RELN: variants seen among roughly 807,000 people sequenced by gnomAD.
RELN encodes the protein reelin.
In RELN, 108 loss-of-function variants were observed where a neutral mutation model predicts 427.6. The ratio of observed to expected loss-of-function variants is 0.25; its 90% CI spans 0.22 to 0.30. The LOEUF is 0.30. Among genes scored for constraint, RELN ranks in the 10% least tolerant of loss-of-function variants. RELN has a pLI of 1.00. For missense variants in RELN, 3,715 were observed against 4,302.8 expected (o/e 0.86, Z 3.82); for synonymous variants, 1,524 against 1,513.4 (o/e 1.01, Z -0.16).
intron 2 of RELN, among the ~76,000 whole-genome samples, chr7:103,878,904 T>G (rs1794544664): frequency 6.6e-6 from 1 of 152,216 alleles, no homozygotes; most frequent in Admixed American, 6.5e-5. Context: ...AATCAGAGTT[T>G]GGTTCTACTC....
At chr7:103,873,614 G>C (rs1429389436) in intron 2 of RELN, among the ~76,000 whole-genome samples, 4 of 92,492 alleles carry the variant, frequency 4.3e-5, no homozygotes, top group Non-Finnish European at 7.0e-5. Flanking sequence ...AGAAGAAATG[G>C]ATAAATTCCT....
chr7:103,651,992 A>G (rs994984076), intron 14 of RELN, among the ~76,000 whole-genome samples: 3 of 152,108 alleles, frequency 2.0e-5, no homozygotes, highest in Admixed American at 6.6e-5. Flanking sequence ...AATTACTGCT[A>G]TAAACAAACT....
intron 8 of RELN, among the ~76,000 whole-genome samples, chr7:103,713,754 AAC>A (rs1789864198): frequency 6.6e-6 from 1 of 152,142 alleles, no homozygotes; most frequent in South Asian, 2.1e-4. Flanking sequence ...AAAATTAAGA[AAC>A]ACAGTAAAAT....
At chr7:103,517,239 A>G (rs2711843) in intron 49 of RELN, among the ~76,000 whole-genome samples, 72,388 of 151,304 alleles carry the variant, frequency 0.48, 21,635 homozygotes, top group African/African-American at 0.84. Flanking sequence ...TATTGGTTTG[A>G]CATGTTTACA....
intron 2 of RELN, among the ~76,000 whole-genome samples, chr7:103,837,213 C>G (rs1160259771): frequency 6.6e-6 from 1 of 152,156 alleles, no homozygotes; most frequent in East Asian, 1.9e-4. Flanking sequence ...GTCTCACTCC[C>G]ATGTTCCATC....
chr7:103,624,951 G>A (rs941775042), intron 20 of RELN, among the ~76,000 whole-genome samples: 16 of 152,114 alleles, frequency 1.1e-4, no homozygotes, highest in African/African-American at 3.9e-4. Context: ...AAGTACCCAA[G>A]AGGCCCTTCG....
At chr7:103,903,297 G>T (rs972942662) in intron 2 of RELN, among the ~76,000 whole-genome samples, 9 of 147,224 alleles carry the variant, frequency 6.1e-5, no homozygotes, top group African/African-American at 1.8e-4. Flanking sequence ...TCCTCAATTC[G>T]TATTTAAGAA....
At chr7:103,672,250 A>G (rs1207313528) in intron 11 of RELN, among the ~76,000 whole-genome samples, 3 of 152,130 alleles carry the variant, frequency 2.0e-5, no homozygotes, top group Non-Finnish European at 4.4e-5. Context: ...TCTTGGGAAC[A>G]AGGATAGGGA....
chr7:103,514,759 C>T (rs1829518377), intron 50 of RELN, among the ~76,000 whole-genome samples: 1 of 152,132 alleles, frequency 6.6e-6, no homozygotes, highest in South Asian at 2.1e-4. Flanking sequence ...GGGACATGAC[C>T]TAAGACATGA....
chr7:103,611,917 C>T (rs762676924), intron 20 of RELN, 114 bp from the exon 21 acceptor site: 14 of 845,354 alleles, frequency 1.7e-5, no homozygotes, highest in African/African-American at 3.4e-5. Flanking sequence ...TTGTTTAAAC[C>T]TTGCCAAATT....
intron 17 of RELN, among the ~76,000 whole-genome samples, chr7:103,637,989 G>A (rs191387670): frequency 1.1e-3 from 164 of 152,084 alleles, no homozygotes; most frequent in African/African-American, 3.7e-3. Flanking sequence ...CCATTTAGTC[G>A]TTTTAAAAGT....
rs1451240853 is a variant in RELN, at chr7:103,566,296, G to T, written c.4864C>A (p.Arg1622=). 1 of 1,613,942 alleles carries T rather than the reference G, an allele frequency of 6.2e-7. No homozygotes were observed. The highest frequency in any genetic ancestry group is 1.7e-5 in the Admixed American group (1 of 59,998). ...ATATCAACTTGACCTCCTTGGATTC[G>T]ATACCAGTTGGCTTGCAAATCTATA... ...GSIDLQANWY[R]IQGGQVDIDC... The change falls in exon 33 of 65, where the codon CGA becomes AGA. Residue 1622 remains arginine (R), a synonymous_variant. Transcript: ENST00000428762.
intron 2 of RELN, among the ~76,000 whole-genome samples, chr7:103,849,282 G>A (rs39395): frequency 0.53 from 80,107 of 151,962 alleles, 21,411 homozygotes; most frequent in African/African-American, 0.59. Context: ...CCGGTCAACC[G>A]ATCACCAGGT....
chr7:103,651,017 C>A (rs1179604025), intron 15 of RELN, among the ~76,000 whole-genome samples: 1 of 152,040 alleles, frequency 6.6e-6, no homozygotes, highest in East Asian at 1.9e-4. Flanking sequence ...TTATCTTATG[C>A]TAGGCATCTG....
At chr7:103,795,468 T>C (rs1792277384) in intron 3 of RELN, among the ~76,000 whole-genome samples, 1 of 152,144 alleles carries the variant, frequency 6.6e-6, no homozygotes, top group Admixed American at 6.6e-5. Flanking sequence ...AACATGAAAG[T>C]TCAAAGCCAA....
intron 40 of RELN, 119 bp from the exon 41 acceptor site, chr7:103,551,415 A>G: frequency 2.7e-6 from 2 of 739,310 alleles, no homozygotes; most frequent in Non-Finnish European, 4.8e-6. Context: ...TGAAATATTT[A>G]ATACTATAAA....
intron 52 of RELN, among the ~76,000 whole-genome samples, chr7:103,501,529 T>C (rs1472729798): frequency 6.6e-6 from 1 of 152,216 alleles, no homozygotes; most frequent in Non-Finnish European, 1.5e-5. Flanking sequence ...GCCTCATAAT[T>C]ATCCTTATAT....
rs1563128080 is a variant in RELN, at chr7:103,989,309, C to A, written c.48G>T (p.Leu16Phe). Residue 16 changes from leucine (L) to phenylalanine (F), a missense_variant, in exon 1 of 65, where the codon TTG becomes TTT. Around this residue, in one of 4 missense-constraint regions of RELN, gnomAD observed 2,208 missense variants for 2,361.7 expected, o/e 0.93. Transcript: ENST00000428762. This position sits in a 1 kb window ranked among gnomAD's most constrained non-coding sequence, Gnocchi z 4.9. Reference sequence around the variant, plus strand: ...CGCGCGCCCTCAGCGTCGCCCCCAGCAACAGCGCTAGGAGGAAAGTCTGCC... The same window carrying A: ...CGCGCGCCCTCAGCGTCGCCCCCAGAAACAGCGCTAGGAGGAAAGTCTGCC... ...WARQTFLLAL[L>F]LGATLRARAA... The A allele has an allele frequency of 6.3e-7, 1 of 1,598,938 alleles. No individual in the cohort carries two copies. Among genetic ancestry groups the A allele is most frequent in the Admixed American group, 1.7e-5 (1 of 59,800 alleles).
intron 64 of RELN, chr7:103,473,141 CTCTGAACCAGAAAATATGTGAAA>C: frequency 1.6e-6 from 1 of 626,580 alleles, no homozygotes; most frequent in Middle Eastern, 4.1e-4. Context: ...CATGAGTGAG[CTCTGAACCAGAAAATATGTGAAA>C]TTCTCTTGAT....
Sources: gnomAD v4.1 joint callset for allele counts (sites outside exome capture counted in the v4.1 genomes callset) on GRCh38, gnomAD v4.1.1 for gene constraint, gnomAD v4.1.1 regional missense constraint, Gnocchi (gnomAD v3.1) non-coding constraint, MANE v1.5 for transcripts, NCBI Gene and HGNC (gene_info 2026-07-23, HGNC 2026-07-21) for gene names.